The following MCCC2 variants were observed in gnomAD, a reference collection of about 807,000 sequenced individuals.
MCCC2 encodes methylcrotonyl-CoA carboxylase subunit 2, also known as methylcrotonoyl-CoA carboxylase beta chain, mitochondrial.
MCCC2 carries 52 observed loss-of-function variants against 77.2 expected under a neutral mutation model. That is an observed-to-expected ratio of 0.67 (90% CI 0.54 to 0.85). MCCC2 has a LOEUF of 0.85. Among genes scored for constraint, MCCC2 ranks in the 40% least tolerant of loss-of-function variants. The pLI is 0.00. For synonymous variants in MCCC2, 253 were observed against 248.4 expected, an observed-to-expected ratio of 1.02 and a Z score of -0.18; for missense variants, 682 against 703.2, an observed-to-expected ratio of 0.97 and a Z score of 0.34.
At chr5:71,603,497 A>G (rs1196687547) in intron 5 of MCCC2, among the ~76,000 whole-genome samples, 4 of 150,874 alleles carry the variant, frequency 2.7e-5, no homozygotes, top group African/African-American at 9.7e-5. Flanking sequence ...TTGTTCATGT[A>G]TGCAGGTATT....
intron 12 of MCCC2, among the ~76,000 whole-genome samples, 180 bp downstream of exon 12, chr5:71,644,075 G>A (rs907731652): frequency 1.3e-4 from 7 of 52,062 alleles, no homozygotes; most frequent in African/African-American, 3.7e-4. Flanking sequence ...GTGTGTGCGC[G>A]CGTGTGTATA....
chr5:71,645,466 T>C (rs1747250068), intron 12 of MCCC2, among the ~76,000 whole-genome samples: 1 of 152,224 alleles, frequency 6.6e-6, no homozygotes, highest in Non-Finnish European at 1.5e-5. Context: ...GGTTAGAAGA[T>C]TTCTATCACT....
intron 12 of MCCC2, among the ~76,000 whole-genome samples, chr5:71,644,343 G>A (rs1182872226): frequency 6.6e-6 from 1 of 151,998 alleles, no homozygotes; most frequent in Non-Finnish European, 1.5e-5. Context: ...GACATGATCT[G>A]TTTATTCTCT....
intron 10 of MCCC2, among the ~76,000 whole-genome samples, chr5:71,637,959 G>C (rs548664219): frequency 8.6e-5 from 13 of 151,970 alleles, no homozygotes; most frequent in Non-Finnish European, 1.6e-4. Flanking sequence ...TGATCTGCCC[G>C]CCTCGGCCTC....
intron 6 of MCCC2, among the ~76,000 whole-genome samples, chr5:71,618,538 TTCCTTC>T (rs1746257070): frequency 1.6e-5 from 1 of 61,692 alleles, no homozygotes; most frequent in African/African-American, 4.9e-5. Flanking sequence ...CCTTCCTTCC[TTCCTTC>T]CTTCCTTTCT....
intron 3 of MCCC2, among the ~76,000 whole-genome samples, chr5:71,597,522 G>A (rs536897276): frequency 1.4e-4 from 14 of 97,060 alleles, no homozygotes; most frequent in African/African-American, 4.2e-4. Context: ...ATGGGGACTC[G>A]GCATAGGGTA....
intron 8 of MCCC2, among the ~76,000 whole-genome samples, chr5:71,634,543 G>A (rs768819966): frequency 3.3e-5 from 5 of 152,166 alleles, no homozygotes; most frequent in Admixed American, 6.5e-5. Flanking sequence ...AAAGTGTGCC[G>A]TCTGTGGTTG....
chr5:71,618,778 G>C (rs1238747341), intron 6 of MCCC2, among the ~76,000 whole-genome samples: 2 of 152,106 alleles, frequency 1.3e-5, no homozygotes, highest in African/African-American at 4.8e-5. Context: ...TCCATGTCTG[G>C]CTTTTTAAGT....
intron 12 of MCCC2, among the ~76,000 whole-genome samples, chr5:71,644,534 T>G (rs1023318997): frequency 1.3e-5 from 2 of 152,224 alleles, no homozygotes; most frequent in African/African-American, 4.8e-5. Context: ...ATCTTTTGGC[T>G]TAGTTATTAT....
intron 7 of MCCC2, 82 bp downstream of exon 7, chr5:71,626,835 TA>T (rs955413349): frequency 3.9e-6 from 5 of 1,274,082 alleles, no homozygotes; most frequent in East Asian, 2.5e-5. Flanking sequence ...TTTGATGTTT[TA>T]AAAAATATTG....
intron 6 of MCCC2, among the ~76,000 whole-genome samples, chr5:71,615,835 C>T (rs1229753047): frequency 6.6e-6 from 1 of 152,050 alleles, no homozygotes; most frequent in African/African-American, 2.4e-5. Context: ...GCTCCAAAAT[C>T]CCTTGGAATT....
chr5:71,603,855 G>A (rs186392929), intron 5 of MCCC2, among the ~76,000 whole-genome samples: 4 of 152,160 alleles, frequency 2.6e-5, no homozygotes, highest in Admixed American at 2.0e-4. Context: ...TAAGGAAACC[G>A]GGGCATAGGA....
chr5:71,601,260 A>G (rs1745418219), intron 4 of MCCC2, among the ~76,000 whole-genome samples: 2 of 152,206 alleles, frequency 1.3e-5, no homozygotes, highest in South Asian at 4.1e-4. Context: ...ACAAGTTGGC[A>G]GAGCCAGAAT....
chr5:71,634,535 A>G (rs1389608532), intron 8 of MCCC2, among the ~76,000 whole-genome samples: 3 of 152,228 alleles, frequency 2.0e-5, no homozygotes, highest in African/African-American at 7.2e-5. Flanking sequence ...ACATCATGAA[A>G]GTGTGCCGTC....
At chr5:71,635,712 C>T (rs1002391964) in intron 10 of MCCC2, 8 of 271,482 alleles carry the variant, frequency 2.9e-5, no homozygotes, top group East Asian at 9.3e-5. Flanking sequence ...TACACATTGT[C>T]GACATAGTGT....
At chr5:71,622,958 T>G (rs1429950009) in intron 6 of MCCC2, among the ~76,000 whole-genome samples, 2 of 152,150 alleles carry the variant, frequency 1.3e-5, no homozygotes, top group Non-Finnish European at 2.9e-5. Flanking sequence ...TCCTTCGCTC[T>G]CTGGGATGGC....
In MCCC2 at chr5:71,634,984, A is replaced by T. The variant is rs1242324981; in HGVS notation, c.845A>T (p.His282Leu). The T allele has an allele frequency of 1.2e-6, 2 of 1,614,046 alleles. No individual in the cohort carries two copies. The highest frequency in any genetic ancestry group is 1.3e-5 in the African/African-American group (1 of 74,934). ...VSDHWALDDH[H>L]ALHLTRKVVR... ...GACCACTGGGCTTTGGATGATCATC[A>T]TGCCCTTCACTTAACTAGGAAGGTT... The change falls in exon 9 of 17, where the codon CAT becomes CTT. Residue 282 changes from histidine (H) to leucine (L), a missense_variant. His to Leu is a moderately conservative substitution (Grantham distance 99, BLOSUM62 -3). Transcript: ENST00000340941.
At chr5:71,591,626 G>T (rs144509328) in intron 1 of MCCC2, among the ~76,000 whole-genome samples, 1 of 151,930 alleles carries the variant, frequency 6.6e-6, no homozygotes, top group African/African-American at 2.4e-5. Context: ...TAGTAGAGAC[G>T]AGTTTTCTCC....
intron 15 of MCCC2, among the ~76,000 whole-genome samples, chr5:71,652,203 T>A (rs1309599314): frequency 2.6e-5 from 4 of 152,358 alleles, no homozygotes; most frequent in Non-Finnish European, 5.9e-5. Context: ...CTCTCAGTTC[T>A]CTGGGAACTT....
Sources: allele counts gnomAD v4.1 joint callset (sites outside exome capture counted in the v4.1 genomes callset), GRCh38; gene constraint gnomAD v4.1.1; transcripts MANE v1.5; gene names NCBI Gene and HGNC (gene_info 2026-07-23, HGNC 2026-07-21).